The following POM121C variants were observed in gnomAD, a reference collection of about 807,000 sequenced individuals.
The protein encoded by POM121C is nuclear envelope pore membrane protein POM 121C.
POM121C carries 20 observed loss-of-function variants against 66.4 expected under a neutral mutation model. The ratio of observed to expected loss-of-function variants is 0.30; its 90% CI spans 0.21 to 0.44. The LOEUF is 0.44. Among genes scored for constraint, POM121C ranks in the 20% least tolerant of loss-of-function variants. The pLI is 1.00. For missense variants in POM121C, 580 were observed against 1,225.7 expected, an observed-to-expected ratio of 0.47 and a Z score of 7.87; for synonymous variants, 286 against 528.0, an observed-to-expected ratio of 0.54 and a Z score of 6.28.
At chr7:75,442,266 G>A (rs1554474158) in intron 3 of POM121C, 39 of 1,450,692 alleles carry the variant, frequency 2.7e-5, no homozygotes, top group Non-Finnish European at 2.9e-5. Flanking sequence ...GCGGGTGGGC[G>A]GCGGCCAGGC....
intron 3 of POM121C, chr7:75,442,553 G>A (rs1373098554): frequency 2.0e-6 from 3 of 1,466,820 alleles, no homozygotes; most frequent in South Asian, 1.3e-5. Context: ...GGCCAGCCAG[G>A]CCAGCGCAGC....
At chr7:75,481,926 C>A (rs1584723036) in intron 1 of POM121C, among the ~76,000 whole-genome samples, 1 of 152,230 alleles carries the variant, frequency 6.6e-6, no homozygotes, top group Non-Finnish European at 1.5e-5. Flanking sequence ...AATAGTAAAT[C>A]ACAGCAATAA....
rs587610155 is a variant in POM121C, at chr7:75,476,128, A to AT, written c.-457-941dup. ...GAACCTTATCTCTGCTAAAAATAAAATTTTTTTAAAAAATTGGCTGGGCAT... is the reference window on the plus strand; with the variant it reads ...GAACCTTATCTCTGCTAAAAATAAAATTTTTTTTAAAAAATTGGCTGGGCAT... On this transcript the variant is annotated intron_variant, in intron 1 of 14. Coordinates refer to ENST00000615331, the MANE Select transcript of POM121C (RefSeq NM_001099415.3). Among the ~76,000 whole-genome samples, 393 of 152,254 alleles carry AT rather than the reference A, an allele frequency of 2.6e-3. 3 individuals carry two copies. Among genetic ancestry groups the AT allele is most frequent in the South Asian group, 6.6e-3 (32 of 4,818 alleles).
At chr7:75,438,233 G>A (rs587702465) in intron 6 of POM121C, among the ~76,000 whole-genome samples, 4 of 152,228 alleles carry the variant, frequency 2.6e-5, no homozygotes, top group Admixed American at 6.5e-5. Flanking sequence ...TATAGACAAC[G>A]CTCTCCTAGA....
rs587704756 is a variant in POM121C at position 75,448,147 on chromosome 7, G to A, written c.-151-6500C>T. Among the ~76,000 whole-genome samples the A allele has an allele frequency of 2.3e-4, 35 of 152,192 alleles. 1 individual carries two copies. In the South Asian group the frequency reaches 7.1e-3, roughly 31 times the overall value. On this transcript the variant is annotated intron_variant, in intron 3 of 14. Transcript: ENST00000615331. ...GCTGGGAGGTTCACTTGAGCCTGGG[G>A]GTTTCCTTGAGCCTGGGAGGTCGAG...
At chr7:75,449,521 C>T (rs1207966343) in intron 3 of POM121C, among the ~76,000 whole-genome samples, 2 of 152,022 alleles carry the variant, frequency 1.3e-5, no homozygotes, top group East Asian at 1.9e-4. Context: ...CCCGCTGCCA[C>T]GCCTGGCTAA....
chr7:75,462,439 G>T (rs1432847232), intron 3 of POM121C, among the ~76,000 whole-genome samples: 1 of 150,262 alleles, frequency 6.7e-6, no homozygotes, highest in Non-Finnish European at 1.5e-5. Context: ...TACTCCAAAT[G>T]AACACTGAAT....
At chr7:75,435,836 G>A (rs1224015749) in intron 7 of POM121C, among the ~76,000 whole-genome samples, 1 of 152,200 alleles carries the variant, frequency 6.6e-6, no homozygotes, top group Non-Finnish European at 1.5e-5. Flanking sequence ...GATCACCTGA[G>A]GTCATGAGTT....
At position 75,485,980 on chromosome 7, in the gene POM121C, T is replaced by C; in HGVS notation, c.-574A>G. The stretch of plus-strand genomic sequence containing the variant: ...CTCCTGTCCACCTCACCAAGGCTGT[T>C]CTGCTCCCGAGGGGCCCGGGCCGGG... On this transcript the variant is annotated 5_prime_UTR_variant, in exon 1 of 15. Coordinates refer to ENST00000615331, the MANE Select transcript of POM121C (RefSeq NM_001099415.3). The C allele has an allele frequency of 2.0e-6, 1 of 494,954 alleles. No homozygotes were observed. The highest frequency in any genetic ancestry group is 1.5e-5 in the South Asian group (1 of 68,800). The allele number at this position is 494,954 out of a possible 1,614,324, so 30.7% of individuals were successfully genotyped here.
intron 3 of POM121C, among the ~76,000 whole-genome samples, chr7:75,443,317 A>G (rs1790731500): frequency 6.6e-6 from 1 of 152,070 alleles, no homozygotes; most frequent in Admixed American, 6.6e-5. Context: ...GGAATAGAAA[A>G]TGACTGCTTA....
intron 1 of POM121C, among the ~76,000 whole-genome samples, chr7:75,484,893 G>A (rs1374610821): frequency 6.6e-6 from 1 of 151,566 alleles, no homozygotes; most frequent in African/African-American, 2.4e-5. Flanking sequence ...TGCCACCCAG[G>A]CTGGAGTGCA....
chr7:75,444,474 T>G (rs1405614228), intron 3 of POM121C, among the ~76,000 whole-genome samples: 6 of 144,222 alleles, frequency 4.2e-5, no homozygotes, highest in African/African-American at 1.5e-4. Context: ...AACTATTGTG[T>G]GTGGCTGGAG....
At chr7:75,467,994 T>C (rs1475285654) in intron 3 of POM121C, among the ~76,000 whole-genome samples, 3 of 151,486 alleles carry the variant, frequency 2.0e-5, no homozygotes, top group Middle Eastern at 3.4e-3. Context: ...TAGCCAGGTG[T>C]AGTGGTGGGT....
intron 7 of POM121C, among the ~76,000 whole-genome samples, chr7:75,434,582 CTTT>C (rs34484961): frequency 3.2e-4 from 32 of 98,962 alleles, no homozygotes; most frequent in East Asian, 3.0e-4. Flanking sequence ...GCTCAGCTAG[CTTT>C]TTTTTTTTTT....
intron 1 of POM121C, among the ~76,000 whole-genome samples, chr7:75,477,783 T>C (rs1480168714): frequency 6.7e-6 from 1 of 150,268 alleles, no homozygotes; most frequent in African/African-American, 2.4e-5. Context: ...ATAATATATA[T>C]ATTAGAAAAA....
chr7:75,454,996 C>T (rs879976105), intron 3 of POM121C, among the ~76,000 whole-genome samples: 1 of 152,162 alleles, frequency 6.6e-6, no homozygotes, highest in East Asian at 1.9e-4. Flanking sequence ...TCCAAGAGGT[C>T]TGTCTTTCAA....
At chr7:75,477,738 T>C (rs1311612254) in intron 1 of POM121C, among the ~76,000 whole-genome samples, 55 of 151,128 alleles carry the variant, frequency 3.6e-4, no homozygotes, top group Non-Finnish European at 6.2e-4. Flanking sequence ...AGACCAGCCT[T>C]GGCAACATAG....
chr7:75,475,635 G>A (rs1192356370), intron 1 of POM121C, among the ~76,000 whole-genome samples: 7 of 151,266 alleles, frequency 4.6e-5, no homozygotes, highest in African/African-American at 1.7e-4. Flanking sequence ...CTGCTCTGGG[G>A]CTCTCACCTA....
chr7:75,442,483 C>G (rs782172652), intron 3 of POM121C: 3 of 1,415,922 alleles, frequency 2.1e-6, no homozygotes, highest in Non-Finnish European at 2.8e-6. Flanking sequence ...CGAAGGAGGA[C>G]AAGGGGCGCG....
Sources: allele counts gnomAD v4.1 joint callset (sites outside exome capture counted in the v4.1 genomes callset), GRCh38; gene constraint gnomAD v4.1.1; transcripts MANE v1.5; gene names NCBI Gene and HGNC (gene_info 2026-07-23, HGNC 2026-07-21).